DMD: variants seen among roughly 807,000 people sequenced by gnomAD.
DMD encodes the protein mutant dystrophin.
Under a neutral mutation model 330.1 loss-of-function variants are expected in DMD, and 63 were observed. That is an observed-to-expected ratio of 0.19 (90% CI 0.16 to 0.24). DMD has a LOEUF of 0.24. Ranked by LOEUF, DMD falls within the 10% of genes least tolerant of loss-of-function variation. DMD has a pLI of 1.00. For synonymous variants in DMD, 1,223 were observed against 959.8 expected, an observed-to-expected ratio of 1.27 and a Z score of -5.07; for missense variants, 3,344 against 2,684.1, an observed-to-expected ratio of 1.25 and a Z score of -5.43.
At chrX:32,789,930 C>G (rs749914670) in intron 7 of DMD, among the ~76,000 whole-genome samples, 210 of 112,223 alleles carry the variant, frequency 1.9e-3, no homozygotes, top group African/African-American at 6.7e-3. Context: ...AATGATATTA[C>G]AGGATATTTC....
At chrX:32,531,916 G>A (rs990086836) in intron 17 of DMD, among the ~76,000 whole-genome samples, 1 of 111,145 alleles carries the variant, frequency 9.0e-6, no homozygotes, top group African/African-American at 3.3e-5. Context: ...ATTAAAATAT[G>A]ATCCTTAGTT....
chrX:32,273,453 C>T (rs1402455260), intron 43 of DMD, among the ~76,000 whole-genome samples: 1 of 109,644 alleles, frequency 9.1e-6, no homozygotes, highest in Non-Finnish European at 1.9e-5. Flanking sequence ...AAATAACGCT[C>T]TTTTTAAATA....
chrX:31,845,866 G>A (rs1262365489), intron 48 of DMD, among the ~76,000 whole-genome samples: 2 of 111,618 alleles, frequency 1.8e-5, no homozygotes, highest in East Asian at 2.8e-4. Flanking sequence ...CAAATGTACA[G>A]AAAGTAATTG....
intron 9 of DMD, among the ~76,000 whole-genome samples, chrX:32,656,686 G>A (rs193285484): frequency 7.2e-4 from 80 of 111,760 alleles, no homozygotes; most frequent in African/African-American, 2.6e-3. Flanking sequence ...CGTTTTTCAA[G>A]TCACATACCT....
Position 31,247,220 on chromosome X carries a change from T to C in DMD, c.9286+13735A>G, listed in dbSNP as rs937157593. ...AAGGATTAAGAAAAAATTGTGACTT[T>C]CAACTCTTATTAGTTGAGAAATATT... On this transcript the variant is annotated intron_variant, in intron 63 of 78. Transcript: ENST00000357033. 4.5e-5 allele frequency among the ~76,000 whole-genome samples: 5 copies of C among 112,018 alleles called. No homozygotes were observed. The East Asian group carries it at 1.1e-3, about 25-fold the overall frequency.
intron 4 of DMD, among the ~76,000 whole-genome samples, chrX:32,831,420 A>G (rs185444048): frequency 9.0e-6 from 1 of 111,235 alleles, no homozygotes; most frequent in East Asian, 2.8e-4. Flanking sequence ...ATTGACAGGA[A>G]CAAGTTAGTG....
chrX:32,440,286 A>C (rs1220858395), intron 28 of DMD, among the ~76,000 whole-genome samples: 1 of 111,703 alleles, frequency 9.0e-6, no homozygotes, highest in Non-Finnish European at 1.9e-5. Flanking sequence ...ATTAAAGTCC[A>C]CTGGAGATCT....
At chrX:32,308,763 T>C (rs1452609749) in intron 42 of DMD, among the ~76,000 whole-genome samples, 1 of 110,738 alleles carries the variant, frequency 9.0e-6, no homozygotes, top group Non-Finnish European at 1.9e-5. Flanking sequence ...GAGACAGAGT[T>C]ATTCAATGGG....
At chrX:32,487,300 T>G (rs2042578217) in intron 20 of DMD, among the ~76,000 whole-genome samples, 1 of 111,989 alleles carries the variant, frequency 8.9e-6, no homozygotes, top group Non-Finnish European at 1.9e-5. Flanking sequence ...CACTGCCCTT[T>G]TTAAAAGTGT....
intron 2 of DMD, among the ~76,000 whole-genome samples, chrX:32,919,932 C>G (rs553419742): frequency 1.8e-5 from 2 of 111,756 alleles, no homozygotes; most frequent in Admixed American, 1.9e-4. Flanking sequence ...AAAGGAAAGC[C>G]TAAATGTGAT....
At chrX:32,562,095 T>A (rs941470488) in intron 16 of DMD, among the ~76,000 whole-genome samples, 4 of 112,040 alleles carry the variant, frequency 3.6e-5, no homozygotes, top group Non-Finnish European at 5.6e-5. Flanking sequence ...ACAAGTATGT[T>A]TATAAAAAAT....
intron 53 of DMD, among the ~76,000 whole-genome samples, chrX:31,670,241 G>C (rs1448634338): frequency 1.8e-5 from 2 of 111,542 alleles, no homozygotes; most frequent in Non-Finnish European, 3.8e-5. Context: ...TCTGCAAGTA[G>C]AGATAATTTT....
At chrX:31,563,072 TTTA>T (rs942722171) in intron 55 of DMD, among the ~76,000 whole-genome samples, 109 of 108,201 alleles carry the variant, frequency 1.0e-3, no homozygotes, top group African/African-American at 3.7e-3. Context: ...TATTTATTTA[TTTA>T]TTTTTTGAGA....
At chrX:32,737,113 A>G (rs1366275409) in intron 7 of DMD, among the ~76,000 whole-genome samples, 1 of 109,397 alleles carries the variant, frequency 9.1e-6, no homozygotes, top group Admixed American at 9.8e-5. Context: ...AAAAATCACC[A>G]CCACCACCAC....
intron 59 of DMD, among the ~76,000 whole-genome samples, chrX:31,458,667 T>TGA (rs1326858384): frequency 3.6e-5 from 4 of 109,602 alleles, no homozygotes. Flanking sequence ...TCTGTGGGGG[T>TGA]GATGCTGCAT....
chrX:33,179,429 C>T, intron 1 of DMD, among the ~76,000 whole-genome samples: 1 of 111,253 alleles, frequency 9.0e-6, no homozygotes, highest in Admixed American at 9.6e-5. Flanking sequence ...TGCGATGGCT[C>T]ACCACTGTAA....
intron 1 of DMD, among the ~76,000 whole-genome samples, chrX:33,248,910 G>C (rs1226567452): frequency 8.9e-6 from 1 of 111,884 alleles, no homozygotes; most frequent in Non-Finnish European, 1.9e-5. Flanking sequence ...AATTATTTTT[G>C]GTATATAGTA....
intron 13 of DMD, among the ~76,000 whole-genome samples, chrX:32,589,761 C>T (rs2054689345): frequency 9.0e-6 from 1 of 111,383 alleles, no homozygotes; most frequent in African/African-American, 3.3e-5. Flanking sequence ...GATATTCTAA[C>T]TCCTCAGGAC....
intron 44 of DMD, among the ~76,000 whole-genome samples, chrX:32,042,204 CAT>C (rs1491030063): frequency 1.4e-4 from 14 of 99,793 alleles, no homozygotes; most frequent in Admixed American, 6.5e-4. Flanking sequence ...CACACACACA[CAT>C]ACACATACAC....
Sources: gnomAD v4.1 joint callset for allele counts (sites outside exome capture counted in the v4.1 genomes callset) on GRCh38, gnomAD v4.1.1 for gene constraint, MANE v1.5 for transcripts, NCBI Gene and HGNC (gene_info 2026-07-23, HGNC 2026-07-21) for gene names.